Variants in IQCH observed in about 807,000 individuals in gnomAD.
The protein encoded by IQCH is IQ motif containing H.
IQCH carries 98 observed loss-of-function variants against 117.0 expected under a neutral mutation model. That is an observed-to-expected ratio of 0.84 (90% CI 0.71 to 0.99). The LOEUF is 0.99. Among genes scored for constraint, IQCH ranks in the 50% least tolerant of loss-of-function variants. The pLI is 0.00. For synonymous variants in IQCH, 412 were observed against 448.2 expected (o/e 0.92, Z 1.02); for missense variants, 1,102 against 1,243.8 (o/e 0.89, Z 1.72).
At chr15:67,492,645 C>A (rs2083691378) in intron 19 of IQCH, among the ~76,000 whole-genome samples, 1 of 152,102 alleles carries the variant, frequency 6.6e-6, no homozygotes, top group African/African-American at 2.4e-5. Flanking sequence ...ATGAGGAAAG[C>A]CTTTCAGCAG....
chr15:67,388,455 T>A lies in IQCH; in HGVS notation c.1457-376T>A, dbSNP rs1004200783. Among the ~76,000 whole-genome samples the A allele has an allele frequency of 7.9e-5, 12 of 152,244 alleles. No homozygotes were observed. Among genetic ancestry groups the A allele is most frequent in the Non-Finnish European group, 1.8e-4 (12 of 68,042 alleles). On this transcript the variant is annotated intron_variant, in intron 11 of 20. Coordinates refer to ENST00000335894, the MANE Select transcript of IQCH (RefSeq NM_001031715.3). This position sits in a 1 kb window ranked among gnomAD's most constrained non-coding sequence, Gnocchi z 5.5. The stretch of plus-strand genomic sequence containing the variant: ...CTTTGTAAAGTTAGTAGCTCTGTTT[T>A]ATAATTTACTGAAGTTAATGGAATA...
chr15:67,277,825 GC>G (rs1966192476), intron 3 of IQCH, among the ~76,000 whole-genome samples: 1 of 152,098 alleles, frequency 6.6e-6, no homozygotes, highest in Admixed American at 6.5e-5. Context: ...GAGCCACCGC[GC>G]CTGGCCCAGT....
chr15:67,351,248 A>AC (rs1360720971), intron 6 of IQCH, among the ~76,000 whole-genome samples: 1 of 136,264 alleles, frequency 7.3e-6, no homozygotes, highest in Non-Finnish European at 1.6e-5. Flanking sequence ...GCTTCCCCCC[A>AC]CCCCCCAACA....
At chr15:67,299,766 A>G (rs563521466) in intron 4 of IQCH, among the ~76,000 whole-genome samples, 5 of 152,206 alleles carry the variant, frequency 3.3e-5, no homozygotes, top group African/African-American at 1.2e-4. Flanking sequence ...GCTTGATTGT[A>G]TTCAGATTCT....
rs2083651394 is a variant in IQCH, at chr15:67,491,443, T to A, written c.2861+1379T>A. Among the ~76,000 whole-genome samples the A allele has an allele frequency of 6.6e-6, 1 of 152,182 alleles. No homozygotes were observed. The highest frequency in any genetic ancestry group is 2.1e-4 in the South Asian group (1 of 4,828). ...CTTGCAACTAGAATGTGGCTACAAT[T>A]TAATCTGGCACTTACAGTCTCAGAT... On this transcript the variant is annotated intron_variant, in intron 19 of 20. Coordinates refer to ENST00000335894, the MANE Select transcript of IQCH (RefSeq NM_001031715.3). The surrounding 1 kb of genome is among the most constrained non-coding windows in gnomAD (Gnocchi z 4.9).
intron 5 of IQCH, 130 bp from the exon 6 acceptor site, chr15:67,343,933 T>A: frequency 1.5e-6 from 1 of 685,692 alleles, no homozygotes; most frequent in South Asian, 2.0e-5. Context: ...ATGCAAAGGA[T>A]TAAGGCACTA....
At chr15:67,263,009 C>T (rs751692382) in intron 2 of IQCH, 113 bp from the exon 3 acceptor site, 1 of 686,742 alleles carries the variant, frequency 1.5e-6, no homozygotes, top group Non-Finnish European at 2.6e-6. Context: ...TAATACATAG[C>T]ATGTTGTGGT....
At chr15:67,333,676 T>C (rs1968767638) in intron 4 of IQCH, among the ~76,000 whole-genome samples, 1 of 152,206 alleles carries the variant, frequency 6.6e-6, no homozygotes, top group Admixed American at 6.5e-5. Context: ...GAAGCAAATA[T>C]GCCAAAATAT....
chr15:67,261,242 T>C (rs1436094134), intron 1 of IQCH, 30 bp from the exon 2 acceptor site: 3 of 1,440,128 alleles, frequency 2.1e-6, no homozygotes, highest in Non-Finnish European at 2.8e-6. Context: ...TGTGGATTAT[T>C]TCAATATTTT....
At position 67,440,568 on chromosome 15, in the gene IQCH, G is replaced by A. The variant is rs145119052; in HGVS notation, c.2505+18991G>A. Among the ~76,000 whole-genome samples the A allele has an allele frequency of 2.8e-3, 427 of 152,228 alleles. 12 individuals are homozygous for A. The East Asian group carries it at 0.07, about 25-fold the overall frequency. On this transcript the variant is annotated intron_variant, in intron 16 of 20. Coordinates refer to ENST00000335894, the MANE Select transcript of IQCH (RefSeq NM_001031715.3). ...GGGATGCAGGGATGGTTTAACATAC[G>A]CAAGTCAATAAATGTGATACACTAC...
intron 1 of IQCH, chr15:67,255,201 G>A (rs1226584530): frequency 2.0e-5 from 11 of 553,122 alleles, no homozygotes; most frequent in South Asian, 4.7e-5. Context: ...CCGTTCACCC[G>A]GAACCTTTAC....
At chr15:67,335,069 G>T (rs1336150031) in intron 4 of IQCH, among the ~76,000 whole-genome samples, 1 of 151,678 alleles carries the variant, frequency 6.6e-6, no homozygotes, top group Non-Finnish European at 1.5e-5. Flanking sequence ...ACACACACAC[G>T]TGCACACACA....
At position 67,417,722 on chromosome 15, in the gene IQCH, T is replaced by C. The variant is rs562057062; in HGVS notation, c.2218+671T>C. ...GCCTGTCTACCGTCTCAGAGGTCCC[T>C]GTCAGATGTTACACAGAGGCACACC... On this transcript the variant is annotated intron_variant, in intron 15 of 20. Coordinates refer to ENST00000335894, the MANE Select transcript of IQCH (RefSeq NM_001031715.3). The surrounding 1 kb of genome is among the most constrained non-coding windows in gnomAD (Gnocchi z 4.3). Among the ~76,000 whole-genome samples the C allele has an allele frequency of 2.0e-5, 3 of 152,254 alleles. No individual in the cohort carries two copies. Among genetic ancestry groups the C allele is most frequent in the Admixed American group, 6.5e-5 (1 of 15,300 alleles).
chr15:67,395,392 G>T lies in IQCH; in HGVS notation c.1734G>T (p.Gly578=), dbSNP rs1352524601. ...GAACAGAGGCCTACATCGTCAGCGG[G>T]CTCCTCCACAGAGATGATTTAGCTG... ...IRGTEAYIVS[G]LLHRDDLAVA... The change falls in exon 13 of 21, where the codon GGG becomes GGT. Residue 578 remains glycine (G), a synonymous_variant. Coordinates refer to ENST00000335894, the MANE Select transcript of IQCH (RefSeq NM_001031715.3). This position sits in a 1 kb window ranked among gnomAD's most constrained non-coding sequence, Gnocchi z 4.0. 1.9e-6 allele frequency: 3 copies of T among 1,613,896 alleles called. No homozygotes were observed. The highest frequency in any genetic ancestry group is 2.7e-5 in the African/African-American group (2 of 74,890).
rs1409953172 is a variant in IQCH, at chr15:67,472,953, G to A, written c.2677-2743G>A. ...GTAGCCTGCCCTTACATGTTGTCTA[G>A]TAATCATGTACTACTGGACAGTAAG... On this transcript the variant is annotated intron_variant, in intron 17 of 20. Transcript: ENST00000335894. This position sits in a 1 kb window ranked among gnomAD's most constrained non-coding sequence, Gnocchi z 4.3. 6.6e-6 allele frequency among the ~76,000 whole-genome samples: 1 copy of A among 152,220 alleles called. No individual in the cohort carries two copies. The highest frequency in any genetic ancestry group is 2.1e-4 in the South Asian group (1 of 4,822).
At position 67,433,101 on chromosome 15, in the gene IQCH, C is replaced by T. The variant is rs941570089; in HGVS notation, c.2505+11524C>T. Among the ~76,000 whole-genome samples, 1 of 152,162 alleles carries T rather than the reference C, an allele frequency of 6.6e-6. No homozygotes were observed. Among genetic ancestry groups the T allele is most frequent in the Middle Eastern group, 3.2e-3 (1 of 316 alleles). On this transcript the variant is annotated intron_variant, in intron 16 of 20. Transcript: ENST00000335894. This position sits in a 1 kb window ranked among gnomAD's most constrained non-coding sequence, Gnocchi z 5.4. ...CAGTGTTTTAAAGTGCTATAGTGGG[C>T]AGATTGTTAATCACAAGTTAATGCC...
At chr15:67,282,835 T>G (rs1966417705) in intron 4 of IQCH, among the ~76,000 whole-genome samples, 1 of 152,176 alleles carries the variant, frequency 6.6e-6, no homozygotes, top group African/African-American at 2.4e-5. Flanking sequence ...TCAAAAAGCT[T>G]AAATGACAAA....
At chr15:67,345,431 A>G (rs1223224491) in intron 6 of IQCH, among the ~76,000 whole-genome samples, 1 of 152,226 alleles carries the variant, frequency 6.6e-6, no homozygotes, top group Non-Finnish European at 1.5e-5. Context: ...AAAATTCGCA[A>G]TGGAGAAACC....
chr15:67,306,314 A>T lies in IQCH; in HGVS notation c.387+26802A>T, dbSNP rs555190657. On this transcript the variant is annotated intron_variant, in intron 4 of 20. Coordinates refer to ENST00000335894, the MANE Select transcript of IQCH (RefSeq NM_001031715.3). The stretch of plus-strand genomic sequence containing the variant: ...CACTTATAAAAATCATTTCAAAAGC[A>T]CTTACCCAAACTAGAGTAATGTGTC... 2.4e-4 allele frequency among the ~76,000 whole-genome samples: 37 copies of T among 152,274 alleles called. No homozygotes were observed. The South Asian group carries it at 7.2e-3, about 30-fold the overall frequency.
Sources: allele counts gnomAD v4.1 joint callset (sites outside exome capture counted in the v4.1 genomes callset), GRCh38; gene constraint gnomAD v4.1.1; non-coding constraint Gnocchi (gnomAD v3.1); transcripts MANE v1.5; gene names NCBI Gene and HGNC (gene_info 2026-07-23, HGNC 2026-07-21).